The following LRRC4B variants were observed in gnomAD, a reference collection of about 807,000 sequenced individuals.
LRRC4B encodes the protein leucine-rich repeat-containing protein 4B.
A neutral mutation model predicts 7.3 loss-of-function variants in LRRC4B; 1 was observed. That is an observed-to-expected ratio of 0.14 (90% CI 0.05 to 0.65). LRRC4B has a LOEUF of 0.65. Among genes scored for constraint, LRRC4B ranks in the 30% least tolerant of loss-of-function variants. The pLI is 0.84. For synonymous variants in LRRC4B, 500 were observed against 499.2 expected, an observed-to-expected ratio of 1.00 and a Z score of -0.02; for missense variants, 730 against 1,041.6, an observed-to-expected ratio of 0.70 and a Z score of 4.12.
At chr19:50,550,334 C>T (rs879319839) in intron 1 of LRRC4B, among the ~76,000 whole-genome samples, 2 of 152,104 alleles carry the variant, frequency 1.3e-5, no homozygotes, top group African/African-American at 2.4e-5. Flanking sequence ...AGGCCCTGCC[C>T]CAACACAGGC....
At chr19:50,532,225 C>T (rs555005334) in intron 2 of LRRC4B, among the ~76,000 whole-genome samples, 27 of 152,236 alleles carry the variant, frequency 1.8e-4, no homozygotes, top group Non-Finnish European at 4.0e-4. Context: ...GACAGTGAGA[C>T]TCTGTCTCAA....
intron 2 of LRRC4B, among the ~76,000 whole-genome samples, chr19:50,547,029 C>T (rs1376669486): frequency 6.6e-6 from 1 of 152,144 alleles, no homozygotes; most frequent in Non-Finnish European, 1.5e-5. Context: ...TTGAACGTCA[C>T]GTGTATAAGT....
intron 2 of LRRC4B, among the ~76,000 whole-genome samples, chr19:50,536,857 C>A (rs1265644931): frequency 1.3e-5 from 2 of 152,076 alleles, no homozygotes; most frequent in Non-Finnish European, 2.9e-5. Flanking sequence ...TAGAGGGTGC[C>A]CCTGAGCTTG....
chr19:50,548,807 G>T lies in LRRC4B; in HGVS notation c.32C>A (p.Pro11Gln), dbSNP rs866577970. 10 of 1,506,160 alleles carry T rather than the reference G, an allele frequency of 6.6e-6. No homozygotes were observed. Among genetic ancestry groups the T allele is most frequent in the African/African-American group, 2.8e-5 (2 of 72,306 alleles). The allele number at this position is 1,506,160 out of a possible 1,614,324, so 93.3% of individuals were successfully genotyped here. A position where few individuals can be genotyped will look rare whatever the true frequency, so the allele number is the denominator to read the frequency against. ...CCAGGACATCCTACCGGGCGGCAGC[G>T]GGGGGCACGGGGAGCCGCGGGCACG... The part of the protein sequence containing the change: MARARGSPCP[P>Q]LPPGRMSWPH... The change falls in exon 2 of 3, where the codon CCG becomes CAG. Residue 11 changes from proline to glutamine, a missense_variant. Transcript: ENST00000652263. This position sits in a 1 kb window ranked among gnomAD's most constrained non-coding sequence, Gnocchi z 6.8.
At chr19:50,543,934 G>A (rs1019068559) in intron 2 of LRRC4B, among the ~76,000 whole-genome samples, 1 of 151,996 alleles carries the variant, frequency 6.6e-6, no homozygotes. Context: ...GGCTGGGTGT[G>A]GTGGCTTGGG....
At chr19:50,534,675 C>T (rs1373049109) in intron 2 of LRRC4B, among the ~76,000 whole-genome samples, 1 of 152,144 alleles carries the variant, frequency 6.6e-6, no homozygotes, top group African/African-American at 2.4e-5. Context: ...TCCTTTTATC[C>T]TGCAACTTGG....
Position 50,548,010 on chromosome 19 carries a change from T to C in LRRC4B, c.297+532A>G, listed in dbSNP as rs957781653. 6.6e-6 allele frequency among the ~76,000 whole-genome samples: 1 copy of C among 152,068 alleles called. No homozygotes were observed. The highest frequency in any genetic ancestry group is 1.5e-5 in the Non-Finnish European group (1 of 67,996). ...ATGACCATGGAAACGCCTCCTGTCC[T>C]CTGACCACTCGCCAGGTGCCAGCAC... On this transcript the variant is annotated intron_variant, in intron 2 of 2. Transcript: ENST00000652263. The surrounding 1 kb of genome is among the most constrained non-coding windows in gnomAD (Gnocchi z 6.8).
intron 2 of LRRC4B, among the ~76,000 whole-genome samples, chr19:50,536,506 C>T (rs1981295826): frequency 6.6e-6 from 1 of 152,176 alleles, no homozygotes; most frequent in Non-Finnish European, 1.5e-5. Flanking sequence ...GTATGTCCTG[C>T]TCTCTGGGCC....
intron 2 of LRRC4B, among the ~76,000 whole-genome samples, chr19:50,524,315 G>A (rs1980708936): frequency 6.6e-6 from 1 of 152,132 alleles, no homozygotes; most frequent in African/African-American, 2.4e-5. Context: ...GCGCAGTCTC[G>A]GCTCACTGCA....
At chr19:50,540,659 A>G (rs548516667) in intron 2 of LRRC4B, among the ~76,000 whole-genome samples, 6 of 151,998 alleles carry the variant, frequency 3.9e-5, no homozygotes, top group African/African-American at 9.6e-5. Context: ...CTCGGCCAGC[A>G]TTAGATTCTC....
intron 2 of LRRC4B, among the ~76,000 whole-genome samples, chr19:50,525,120 T>A (rs1980748918): frequency 6.6e-6 from 1 of 152,118 alleles, no homozygotes; most frequent in African/African-American, 2.4e-5. Context: ...ACGGGTGTAG[T>A]GTGAAGAGCA....
chr19:50,549,237 AGATACATCAG>A, intron 1 of LRRC4B, among the ~76,000 whole-genome samples: 2 of 152,324 alleles, frequency 1.3e-5, no homozygotes, highest in Admixed American at 1.3e-4. Flanking sequence ...TCAAAAAGGT[AGATACATCAG>A]AGGAGTGAGA....
intron 1 of LRRC4B, among the ~76,000 whole-genome samples, chr19:50,564,117 AG>A (rs756369388): frequency 1.3e-5 from 2 of 152,176 alleles, no homozygotes; most frequent in Non-Finnish European, 2.9e-5. Flanking sequence ...GGAGCCCAGC[AG>A]GGAAGATGAT....
Position 50,556,354 on chromosome 19 carries a change from G to C in LRRC4B, c.-35-7481C>G, listed in dbSNP as rs752029862. ...CGTGCAGCCACGCCGCTCTCCCCCA[G>C]GCTCCTCCCACCCACCAGGCGCCTC... On this transcript the variant is annotated intron_variant, in intron 1 of 2. Transcript: ENST00000652263. This position sits in a 1 kb window ranked among gnomAD's most constrained non-coding sequence, Gnocchi z 4.2. Among the ~76,000 whole-genome samples the C allele has an allele frequency of 3.6e-4, 55 of 152,016 alleles. No individual in the cohort carries two copies. Among genetic ancestry groups the C allele is most frequent in the Non-Finnish European group, 2.9e-4 (20 of 67,952 alleles).
rs1402271799 is a variant in LRRC4B, at chr19:50,537,066, G to T, written c.297+11476C>A. ...TGAGCAAGGACAAGGCCAGAGCCAGGCTGGGCTGTGGGGATGTAGACTGGG... is the reference window on the plus strand; with the variant it reads ...TGAGCAAGGACAAGGCCAGAGCCAGTCTGGGCTGTGGGGATGTAGACTGGG... On this transcript the variant is annotated intron_variant, in intron 2 of 2. Transcript: ENST00000652263. This position sits in a 1 kb window ranked among gnomAD's most constrained non-coding sequence, Gnocchi z 5.5. Among the ~76,000 whole-genome samples the T allele has an allele frequency of 6.6e-6, 1 of 152,206 alleles. No homozygotes were observed. The highest frequency in any genetic ancestry group is 1.5e-5 in the Non-Finnish European group (1 of 68,022).
intron 2 of LRRC4B, among the ~76,000 whole-genome samples, chr19:50,529,246 A>G (rs750770448): frequency 6.6e-6 from 1 of 151,986 alleles, no homozygotes; most frequent in Non-Finnish European, 1.5e-5. Context: ...ACTCCAGTGC[A>G]CCTGGCGTGT....
chr19:50,537,944 C>T lies in LRRC4B; in HGVS notation c.297+10598G>A, dbSNP rs913044427. ...GCACTGCTCCCTCCTATCCAGAGGA[C>T]CTCCTGGCTGCTGGTCGCAGGCCCG... On this transcript the variant is annotated intron_variant, in intron 2 of 2. Transcript: ENST00000652263. The surrounding 1 kb of genome is among the most constrained non-coding windows in gnomAD (Gnocchi z 5.5). 6.6e-6 allele frequency among the ~76,000 whole-genome samples: 1 copy of T among 152,220 alleles called. No individual in the cohort carries two copies. Among genetic ancestry groups the T allele is most frequent in the Non-Finnish European group, 1.5e-5 (1 of 68,036 alleles).
rs1980283759 is a variant in LRRC4B, at chr19:50,516,956, C to A, written c.*615G>T. On this transcript the variant is annotated 3_prime_UTR_variant, in exon 3 of 3. Transcript: ENST00000652263. Reference sequence around the variant, plus strand: ...TTTTTTTTTTAAAGTAATTACAGAGCAGGTAGTCGTTGACGCAAACCTCCC... The same window carrying A: ...TTTTTTTTTTAAAGTAATTACAGAGAAGGTAGTCGTTGACGCAAACCTCCC... 6.6e-6 allele frequency: 1 copy of A among 151,630 alleles called. No homozygotes were observed. Among genetic ancestry groups the A allele is most frequent in the Non-Finnish European group, 1.5e-5 (1 of 67,904 alleles). 9.4% of individuals were successfully genotyped at this position (151,630 alleles called of 1,614,324 possible). A position where few individuals can be genotyped will look rare whatever the true frequency, so the allele number is the denominator to read the frequency against.
intron 1 of LRRC4B, among the ~76,000 whole-genome samples, chr19:50,551,539 T>C (rs1982066457): frequency 9.4e-6 from 1 of 106,372 alleles, no homozygotes; most frequent in African/African-American, 3.7e-5. Flanking sequence ...TAACTCTCTC[T>C]CTGCCCCTCT....
Sources: gnomAD v4.1 joint callset for allele counts (sites outside exome capture counted in the v4.1 genomes callset) on GRCh38, gnomAD v4.1.1 for gene constraint, Gnocchi (gnomAD v3.1) non-coding constraint, MANE v1.5 for transcripts, NCBI Gene and HGNC (gene_info 2026-07-23, HGNC 2026-07-21) for gene names.